Variants in TSHR observed in about 807,000 individuals in gnomAD.
The protein encoded by TSHR is thyrotropin receptor.
TSHR carries 51 observed loss-of-function variants against 64.1 expected under a neutral mutation model. The observed-to-expected ratio is 0.80, with a 90% CI of 0.64 to 1.01. The LOEUF (loss-of-function observed/expected upper bound fraction) is 1.01, where lower values mean the gene tolerates loss of function less well. TSHR is among the 50% of genes least tolerant of loss of function. TSHR has a pLI of 0.00. For synonymous variants in TSHR, 361 were observed against 361.9 expected, an observed-to-expected ratio of 1.00 and a Z score of 0.03; for missense variants, 877 against 942.8, an observed-to-expected ratio of 0.93 and a Z score of 0.91.
intron 1 of TSHR, among the ~76,000 whole-genome samples, chr14:81,056,968 A>T (rs1444575650): frequency 6.6e-6 from 1 of 152,254 alleles, no homozygotes; most frequent in Non-Finnish European, 1.5e-5. Flanking sequence ...TTTAAAAAAT[A>T]GTCTATATGC....
At chr14:81,127,340 A>G (rs893983112) in intron 8 of TSHR, among the ~76,000 whole-genome samples, 10 of 152,198 alleles carry the variant, frequency 6.6e-5, no homozygotes, top group Non-Finnish European at 1.3e-4. Context: ...CTGAGTCTAA[A>G]AGAAATAAAC....
chr14:81,088,155 C>A, intron 4 of TSHR, 127 bp downstream of exon 4: 2 of 767,428 alleles, frequency 2.6e-6, no homozygotes, highest in South Asian at 3.0e-5. Context: ...TAGCCTGGGT[C>A]GGGGGCAAGG....
In TSHR at chr14:81,139,735, A is replaced by T; in HGVS notation, c.749A>T (p.Lys250Met). The T allele has an allele frequency of 6.2e-7, 1 of 1,614,250 alleles. No individual in the cohort carries two copies. Among genetic ancestry groups the T allele is most frequent in the Non-Finnish European group, 8.5e-7 (1 of 1,180,044 alleles). The change falls in exon 9 of 10, where the codon AAG becomes ATG. Residue 250 changes from lysine to methionine, a missense_variant. Lys to Met is a moderately conservative substitution (Grantham distance 95). Transcript: ENST00000298171. ...ALPSKGLEHLKELIARNTWTL... is the reference protein window; with the variant it reads ...ALPSKGLEHLMELIARNTWTL... ...CCATCCAAAGGCCTGGAGCACCTGA[A>T]GGAACTGATAGCAAGAAACACCTGG...
chr14:81,103,914 G>C lies in TSHR; in HGVS notation c.615-4461G>C. ...AAAATACCATTTTGATATGCTAAGAGCCCACCAATACACTAATTATTATGA... is the reference window on the plus strand; with the variant it reads ...AAAATACCATTTTGATATGCTAAGACCCCACCAATACACTAATTATTATGA... On this transcript the variant is annotated intron_variant, in intron 7 of 9. Transcript: ENST00000298171. The surrounding 1 kb of genome is among the most constrained non-coding windows in gnomAD (Gnocchi z 4.1). 1.0e-6 allele frequency: 1 copy of C among 985,366 alleles called. No individual in the cohort carries two copies. 61.0% of individuals were successfully genotyped at this position (985,366 alleles called of 1,614,324 possible).
chr14:80,963,580 G>A (rs1887149074), intron 1 of TSHR, among the ~76,000 whole-genome samples: 2 of 152,336 alleles, frequency 1.3e-5, no homozygotes, highest in East Asian at 1.9e-4. Flanking sequence ...TCTTTTTATG[G>A]ACAGTCATAC....
intron 1 of TSHR, among the ~76,000 whole-genome samples, chr14:80,963,350 A>G (rs1056637654): frequency 6.6e-6 from 1 of 152,232 alleles, no homozygotes; most frequent in African/African-American, 2.4e-5. Context: ...TCCAGGTTCC[A>G]TATAGTTAGG....
At chr14:81,004,296 C>A (rs1377241758) in intron 1 of TSHR, among the ~76,000 whole-genome samples, 1 of 152,072 alleles carries the variant, frequency 6.6e-6, no homozygotes, top group African/African-American at 2.4e-5. Context: ...AGAAAATGCT[C>A]CCAAGAAGGT....
chr14:81,048,177 C>T (rs983647379), intron 1 of TSHR, among the ~76,000 whole-genome samples: 5 of 152,206 alleles, frequency 3.3e-5, no homozygotes, highest in African/African-American at 1.2e-4. Context: ...CAACTCATCA[C>T]CCTACTTCCT....
At chr14:81,094,470 C>A (rs1888994343) in intron 6 of TSHR, 1 of 152,026 alleles carries the variant, frequency 6.6e-6, no homozygotes, top group Non-Finnish European at 1.5e-5. Context: ...GTTTTCTCAG[C>A]CATTGTGCTT....
chr14:80,990,974 T>C (rs561387868), intron 1 of TSHR, among the ~76,000 whole-genome samples: 14 of 152,218 alleles, frequency 9.2e-5, no homozygotes, highest in Non-Finnish European at 1.5e-4. Flanking sequence ...AATTTTTAAA[T>C]GTTTTGTGCA....
At position 81,005,244 on chromosome 14, in the gene TSHR, C is replaced by T. The variant is rs574716857; in HGVS notation, c.170+49394C>T. Among the ~76,000 whole-genome samples, 151 of 118,582 alleles carry T rather than the reference C, an allele frequency of 1.3e-3. 1 individual carries two copies. Among genetic ancestry groups the T allele is most frequent in the East Asian group, 1.1e-3 (4 of 3,650 alleles). 77.8% of individuals were successfully genotyped at this position (118,582 alleles called of 152,430 possible). On this transcript the variant is annotated intron_variant, in intron 1 of 9. Coordinates refer to ENST00000298171, the MANE Select transcript of TSHR (RefSeq NM_000369.5). ...GTGTGTGTGTGTGTGTGTGTGTGCACGCACGCACGTGTATCTCTGTGTGTG... is the reference window on the plus strand; with the variant it reads ...GTGTGTGTGTGTGTGTGTGTGTGCATGCACGCACGTGTATCTCTGTGTGTG...
chr14:81,104,214 G>T, intron 7 of TSHR: 1 of 985,414 alleles, frequency 1.0e-6, no homozygotes, highest in Non-Finnish European at 1.2e-6. Flanking sequence ...TTTCCATAGA[G>T]CAATCCAGCT....
intron 1 of TSHR, 55 bp from the exon 2 acceptor site, chr14:81,062,093 T>G: frequency 7.0e-7 from 1 of 1,437,770 alleles, no homozygotes; most frequent in Middle Eastern, 1.8e-4. Context: ...TTAAGGTGAA[T>G]TATTAGAAAA....
At chr14:81,020,851 T>C (rs1036381061) in intron 1 of TSHR, among the ~76,000 whole-genome samples, 1 of 152,204 alleles carries the variant, frequency 6.6e-6, no homozygotes, top group Non-Finnish European at 1.5e-5. Flanking sequence ...CTGAGATTGC[T>C]ACAAAAGCTC....
chr14:81,012,859 A>G (rs996320045), intron 1 of TSHR: 6 of 152,174 alleles, frequency 3.9e-5, no homozygotes, highest in East Asian at 3.9e-4. Context: ...TCAGATGACT[A>G]GGTTGCGAAA....
intron 2 of TSHR, among the ~76,000 whole-genome samples, chr14:81,067,166 G>A (rs570633874): frequency 4.9e-4 from 74 of 152,152 alleles, no homozygotes; most frequent in African/African-American, 1.7e-3. Context: ...AGAGAATTGC[G>A]ATTTTCTCTT....
intron 9 of TSHR, among the ~76,000 whole-genome samples, chr14:81,142,610 T>C (rs917585223): frequency 6.8e-6 from 1 of 147,384 alleles, no homozygotes; most frequent in African/African-American, 2.5e-5. Context: ...AGCATTCTTT[T>C]TTTTTTTTTT....
chr14:80,969,813 G>A (rs958790618), intron 1 of TSHR, among the ~76,000 whole-genome samples: 3 of 152,344 alleles, frequency 2.0e-5, no homozygotes, highest in Middle Eastern at 3.4e-3. Flanking sequence ...AAGGTCCACA[G>A]AATTTGTTCC....
rs181991387 is a variant in TSHR, at chr14:81,053,512, T to A, written c.171-8636T>A. On this transcript the variant is annotated intron_variant, in intron 1 of 9. Transcript: ENST00000298171. ...GCAAATTACAAATACCAATCAAGAATGCTGACGGAAACATACCTACTTGTG... is the reference window on the plus strand; with the variant it reads ...GCAAATTACAAATACCAATCAAGAAAGCTGACGGAAACATACCTACTTGTG... 84 of 152,308 alleles carry A rather than the reference T, an allele frequency of 5.5e-4. 1 individual carries two copies. In the East Asian group the frequency reaches 0.014, roughly 24 times the overall value. The allele number at this position is 152,308 out of a possible 1,614,324, so 9.4% of individuals were successfully genotyped here. A position where few individuals can be genotyped will look rare whatever the true frequency, so the allele number is the denominator to read the frequency against.
Sources: allele counts gnomAD v4.1 joint callset (sites outside exome capture counted in the v4.1 genomes callset), GRCh38; gene constraint gnomAD v4.1.1; non-coding constraint Gnocchi (gnomAD v3.1); transcripts MANE v1.5; gene names NCBI Gene and HGNC (gene_info 2026-07-23, HGNC 2026-07-21).